Variants in GPR180 observed in about 807,000 individuals in gnomAD.
GPR180 encodes G protein-coupled receptor 180.
GPR180 carries 53 observed loss-of-function variants against 52.6 expected under a neutral mutation model. The observed-to-expected ratio is 1.01, with a 90% CI of 0.81 to 1.27. The LOEUF is 1.27. Ranked by LOEUF, GPR180 falls within the 50% of genes most tolerant of loss-of-function variation. The pLI is 0.00. For synonymous variants in GPR180, 200 were observed against 193.1 expected (o/e 1.04, Z -0.30); for missense variants, 533 against 527.0 (o/e 1.01, Z -0.11).
chr13:94,610,463 T>C (rs1384085225), intron 2 of GPR180, among the ~76,000 whole-genome samples: 1 of 152,208 alleles, frequency 6.6e-6, no homozygotes, highest in East Asian at 1.9e-4. Context: ...CATTTGCCCC[T>C]CACAAGAACT....
chr13:94,624,989 T>C (rs1185162687), intron 7 of GPR180, among the ~76,000 whole-genome samples: 1 of 151,888 alleles, frequency 6.6e-6, no homozygotes, highest in Non-Finnish European at 1.5e-5. Context: ...AATTTCTGCA[T>C]TTTCAGTAGA....
chr13:94,604,131 A>T (rs1264366077), intron 1 of GPR180, among the ~76,000 whole-genome samples: 1 of 151,950 alleles, frequency 6.6e-6, no homozygotes, highest in Non-Finnish European at 1.5e-5. Flanking sequence ...GTCAGGAGTT[A>T]AAGACCAGCC....
In GPR180 at chr13:94,618,420, A is replaced by ATTTTTTTTTTTTTTTTTTTTTT. The variant is rs570807308; in HGVS notation, c.506-728_506-707dup. ...CATGGAGTCGCATGATCAGCACAGG[A>ATTTTTTTTTTTTTTTTTTTTTT]TTTTTTTTTTTTTTTTTTTTTTTGG... On this transcript the variant is annotated intron_variant, in intron 3 of 8. Coordinates refer to ENST00000376958, the MANE Select transcript of GPR180 (RefSeq NM_180989.6). Among the ~76,000 whole-genome samples the ATTTTTTTTTTTTTTTTTTTTTT allele has an allele frequency of 1.3e-3, 112 of 87,134 alleles. 17 individuals carry two copies. Among genetic ancestry groups the ATTTTTTTTTTTTTTTTTTTTTT allele is most frequent in the African/African-American group, 2.1e-3 (33 of 15,828 alleles). The allele number at this position is 87,134 out of a possible 152,430, so 57.2% of individuals were successfully genotyped here.
Position 94,618,420 on chromosome 13 carries a change from A to ATTTTTTTTTTTTTT in GPR180, c.506-720_506-707dup, listed in dbSNP as rs570807308. Among the ~76,000 whole-genome samples the ATTTTTTTTTTTTTT allele has an allele frequency of 1.5e-3, 130 of 87,134 alleles. 22 individuals carry two copies. Among genetic ancestry groups the ATTTTTTTTTTTTTT allele is most frequent in the African/African-American group, 3.4e-3 (54 of 15,830 alleles). 57.2% of individuals were successfully genotyped at this position (87,134 alleles called of 152,430 possible). On this transcript the variant is annotated intron_variant, in intron 3 of 8. Transcript: ENST00000376958. ...CATGGAGTCGCATGATCAGCACAGGATTTTTTTTTTTTTTTTTTTTTTTGG... is the reference window on the plus strand; with the variant it reads ...CATGGAGTCGCATGATCAGCACAGGATTTTTTTTTTTTTTTTTTTTTTTTTTTTTTTTTTTTTGG...
chr13:94,612,526 T>C, intron 3 of GPR180, 136 bp downstream of exon 3: 1 of 640,902 alleles, frequency 1.6e-6, no homozygotes, highest in Non-Finnish European at 2.7e-6. Context: ...ATTAATCTTC[T>C]TATAGCATTT....
At chr13:94,605,259 C>T (rs1254354894) in intron 1 of GPR180, 132 bp from the exon 2 acceptor site, 2 of 720,714 alleles carry the variant, frequency 2.8e-6, no homozygotes, top group Non-Finnish European at 4.8e-6. Flanking sequence ...TGTGATTTAC[C>T]TAGTTAAGCG....
chr13:94,603,892 G>T (rs1781195403), intron 1 of GPR180, among the ~76,000 whole-genome samples: 1 of 152,094 alleles, frequency 6.6e-6, no homozygotes, highest in Admixed American at 6.5e-5. Flanking sequence ...GTGCAACCAG[G>T]TTCATTCTGT....
Position 94,630,662 on chromosome 13 carries a change from T to C in GPR180, c.*3491T>C, listed in dbSNP as rs964564574. On this transcript the variant is annotated 3_prime_UTR_variant, in exon 9 of 9. Coordinates refer to ENST00000376958, the MANE Select transcript of GPR180 (RefSeq NM_180989.6). ...CATTGTCCTTCATCAAAAAAAGATC[T>C]AGCTTATATCACACCCTCAGATACT... 6 of 152,256 alleles carry C rather than the reference T, an allele frequency of 3.9e-5. No individual in the cohort carries two copies. Among genetic ancestry groups the C allele is most frequent in the African/African-American group, 1.4e-4 (6 of 41,472 alleles). The allele number at this position is 152,256 out of a possible 1,614,324, so 9.4% of individuals were successfully genotyped here.
rs764463028 is a variant in GPR180, at chr13:94,601,885, G to C, written c.-43G>C. ...TGCCGACGTGGGGCGGGCAGCCGCCGGCGGCTGGGAGCCGAGGCGTCGGTG... is the reference window on the plus strand; with the variant it reads ...TGCCGACGTGGGGCGGGCAGCCGCCCGCGGCTGGGAGCCGAGGCGTCGGTG... On this transcript the variant is annotated 5_prime_UTR_variant, in exon 1 of 9. Transcript: ENST00000376958. The C allele has an allele frequency of 1.0e-5, 14 of 1,342,888 alleles. No individual in the cohort carries two copies. Among genetic ancestry groups the C allele is most frequent in the South Asian group, 1.8e-5 (1 of 55,226 alleles). 83.2% of individuals were successfully genotyped at this position (1,342,888 alleles called of 1,614,324 possible). A position where few individuals can be genotyped will look rare whatever the true frequency, so the allele number is the denominator to read the frequency against.
In GPR180 at chr13:94,632,539, G is replaced by A. The variant is rs956624098; in HGVS notation, c.*5368G>A. On this transcript the variant is annotated 3_prime_UTR_variant, in exon 9 of 9. Coordinates refer to ENST00000376958, the MANE Select transcript of GPR180 (RefSeq NM_180989.6). ...CAAAGAATCAGTTCTGTTACTGCACGTTGTTGGTTTTCAGTCTTGCTAATA... is the reference window on the plus strand; with the variant it reads ...CAAAGAATCAGTTCTGTTACTGCACATTGTTGGTTTTCAGTCTTGCTAATA... 6 of 152,118 alleles carry A rather than the reference G, an allele frequency of 3.9e-5. No individual in the cohort carries two copies. Among genetic ancestry groups the A allele is most frequent in the Non-Finnish European group, 7.3e-5 (5 of 68,032 alleles). The allele number at this position is 152,118 out of a possible 1,614,324, so 9.4% of individuals were successfully genotyped here.
At chr13:94,603,441 A>G (rs1195752337) in intron 1 of GPR180, among the ~76,000 whole-genome samples, 1 of 152,174 alleles carries the variant, frequency 6.6e-6, no homozygotes, top group Non-Finnish European at 1.5e-5. Flanking sequence ...CTCAAGACAG[A>G]TTGGGGATAA....
At chr13:94,621,035 T>A (rs767719419) in intron 5 of GPR180, 43 bp from the exon 6 acceptor site, 1 of 1,548,648 alleles carries the variant, frequency 6.5e-7, no homozygotes, top group Non-Finnish European at 8.7e-7. Flanking sequence ...AAATTTTTTA[T>A]ATTGTGAAAA....
intron 7 of GPR180, 147 bp from the exon 8 acceptor site, chr13:94,625,819 T>C (rs1375818738): frequency 2.1e-5 from 9 of 438,552 alleles, no homozygotes; most frequent in Non-Finnish European, 2.9e-5. Context: ...CAACAGTAAA[T>C]TTATTTCTAC....
At chr13:94,606,056 C>T (rs1889625891) in intron 2 of GPR180, among the ~76,000 whole-genome samples, 1 of 152,140 alleles carries the variant, frequency 6.6e-6, no homozygotes, top group Non-Finnish European at 1.5e-5. Context: ...CTTGGGGAGG[C>T]CAAGGTGGGT....
rs1204089562 is a variant in GPR180 at position 94,630,011 on chromosome 13, G to A, written c.*2840G>A. ...TGAAACATTTTCTTAAATAGCTTCT[G>A]TGGTATCAAATCATTGAGGTTGTTT... On this transcript the variant is annotated 3_prime_UTR_variant, in exon 9 of 9. Coordinates refer to ENST00000376958, the MANE Select transcript of GPR180 (RefSeq NM_180989.6). The A allele has an allele frequency of 1.3e-5, 2 of 152,214 alleles. No homozygotes were observed. The highest frequency in any genetic ancestry group is 4.8e-5 in the African/African-American group (2 of 41,452). 9.4% of individuals were successfully genotyped at this position (152,214 alleles called of 1,614,324 possible).
chr13:94,619,488 G>A lies in GPR180; in HGVS notation c.707G>A (p.Gly236Glu). 6.2e-7 allele frequency: 1 copy of A among 1,613,368 alleles called. No individual in the cohort carries two copies. The highest frequency in any genetic ancestry group is 8.5e-7 in the Non-Finnish European group (1 of 1,179,620). ...CTCAGTTACTCCAAAGATGGAATAG[G>A]GGTACCATTTATGGGAAGTTTGGCA... ...HFSSYSKDGI[G>E]VPFMGSLAEF... Residue 236 changes from glycine to glutamate, a missense_variant, in exon 5 of 9, where the codon GGG becomes GAG. Physicochemically the swap from Gly to Glu is moderately conservative, Grantham distance 98 (BLOSUM62 -2). Transcript: ENST00000376958.
intron 1 of GPR180, 72 bp downstream of exon 1, chr13:94,602,144 C>A: frequency 8.2e-7 from 1 of 1,219,992 alleles, no homozygotes; most frequent in Non-Finnish European, 1.0e-6. Flanking sequence ...CCGGCCGCTC[C>A]TCCCGGCCCC....
intron 1 of GPR180, among the ~76,000 whole-genome samples, chr13:94,602,455 G>A (rs1346756383): frequency 6.8e-6 from 1 of 147,020 alleles, no homozygotes; most frequent in African/African-American, 2.5e-5. Context: ...TGTGACGGGA[G>A]AATTTAACCC....
chr13:94,612,652 G>A (rs1375437414), intron 3 of GPR180, among the ~76,000 whole-genome samples: 1 of 152,158 alleles, frequency 6.6e-6, no homozygotes, highest in African/African-American at 2.4e-5. Flanking sequence ...GATACTCTGG[G>A]TTGGTAGAAT....
Sources: gnomAD v4.1 joint callset for allele counts (sites outside exome capture counted in the v4.1 genomes callset) on GRCh38, gnomAD v4.1.1 for gene constraint, MANE v1.5 for transcripts, NCBI Gene and HGNC (gene_info 2026-07-23, HGNC 2026-07-21) for gene names.